Variants in SPTAN1 observed in about 807,000 individuals in gnomAD.
SPTAN1 encodes the protein spectrin alpha, non-erythrocytic 1, also known as spectrin alpha chain, non-erythrocytic 1.
SPTAN1 carries 61 observed loss-of-function variants against 331.3 expected under a neutral mutation model. The ratio of observed to expected loss-of-function variants is 0.18; its 90% CI spans 0.15 to 0.23. The LOEUF is 0.23. SPTAN1 is among the 10% of genes least tolerant of loss of function. The pLI, the probability that SPTAN1 is intolerant of heterozygous loss-of-function variation, is 1.00. For missense variants in SPTAN1, 2,043 were observed against 3,147.9 expected (o/e 0.65, Z 8.40); for synonymous variants, 1,153 against 1,173.9 (o/e 0.98, Z 0.36).
In SPTAN1 at chr9:128,598,775, A is replaced by G. The variant is rs1854654013; in HGVS notation, c.3520-188A>G. 6.1e-6 allele frequency: 4 copies of G among 658,742 alleles called. No homozygotes were observed. In the Admixed American group the frequency reaches 8.0e-5, roughly 13 times the overall value. 40.8% of individuals were successfully genotyped at this position (658,742 alleles called of 1,614,324 possible). ...GTTTATATAGCCATTAACTAATGGTAATTTCATAAGTTCCTCAAAGAAAAA... is the reference window on the plus strand; with the variant it reads ...GTTTATATAGCCATTAACTAATGGTGATTTCATAAGTTCCTCAAAGAAAAA... On this transcript the variant is annotated intron_variant, in intron 25 of 56. Transcript: ENST00000372739.
intron 1 of SPTAN1, among the ~76,000 whole-genome samples, chr9:128,563,823 A>G (rs769642034): frequency 2.0e-5 from 3 of 148,780 alleles, no homozygotes; most frequent in Non-Finnish European, 4.4e-5. Context: ...TTTTTTTTAG[A>G]GCCAGGGTTT....
In SPTAN1 at chr9:128,625,243, C is replaced by T. The variant is rs1296018743; in HGVS notation, c.6069+64C>T. On this transcript the variant is annotated intron_variant, in intron 47 of 56. Transcript: ENST00000372739. This position sits in a 1 kb window ranked among gnomAD's most constrained non-coding sequence, Gnocchi z 4.1. The stretch of plus-strand genomic sequence containing the variant: ...ATAGCATCTGTGAGATGACTGGTGG[C>T]GTCTTTCACTGAGGCATTTATCTTC... 17 of 1,506,612 alleles carry T rather than the reference C, an allele frequency of 1.1e-5. No homozygotes were observed. The highest frequency in any genetic ancestry group is 1.1e-4 in the African/African-American group (8 of 72,720). 93.3% of individuals were successfully genotyped at this position (1,506,612 alleles called of 1,614,324 possible).
At chr9:128,628,151 CA>C (rs1383745966) in intron 51 of SPTAN1, 2 of 749,724 alleles carry the variant, frequency 2.7e-6, no homozygotes, top group East Asian at 5.2e-5. Flanking sequence ...GCCTTCAAGC[CA>C]GGGGGAGCCG....
At chr9:128,576,042 C>T (rs1416059621) in intron 5 of SPTAN1, among the ~76,000 whole-genome samples, 1 of 152,170 alleles carries the variant, frequency 6.6e-6, no homozygotes, top group East Asian at 1.9e-4. Flanking sequence ...CGGCATTCCT[C>T]AGAAATATCT....
intron 24 of SPTAN1, among the ~76,000 whole-genome samples, chr9:128,594,748 T>C (rs1196320251): frequency 2.0e-5 from 3 of 151,014 alleles, no homozygotes; most frequent in African/African-American, 7.3e-5. Flanking sequence ...TCTTGATTTC[T>C]GACTGCAAAT....
chr9:128,618,157 C>G lies in SPTAN1; in HGVS notation c.5600+49C>G, dbSNP rs190959808. Reference sequence around the variant, plus strand: ...CCCGGGAACAAGTGGAAGGCCAGCACCCAAGGGCAGACTCTGAGCTGTGGG... The same window carrying G: ...CCCGGGAACAAGTGGAAGGCCAGCAGCCAAGGGCAGACTCTGAGCTGTGGG... On this transcript the variant is annotated intron_variant, in intron 43 of 56. Transcript: ENST00000372739. 1.9e-4 allele frequency: 313 copies of G among 1,610,412 alleles called. 2 individuals are homozygous for G. The African/African-American group carries it at 3.9e-3, about 20-fold the overall frequency.
At chr9:128,601,663 A>T (rs1332300955) in intron 27 of SPTAN1, among the ~76,000 whole-genome samples, 1 of 152,240 alleles carries the variant, frequency 6.6e-6, no homozygotes, top group Non-Finnish European at 1.5e-5. Flanking sequence ...AAAAGTAAAA[A>T]GAAATTTTAA....
At chr9:128,609,718 GT>G in intron 37 of SPTAN1, 53 bp downstream of exon 37, 1 of 1,198,228 alleles carries the variant, frequency 8.3e-7, no homozygotes. Context: ...CAGTATTTGT[GT>G]TACTCTGCGT....
rs1007322772 is a variant in SPTAN1 at position 128,625,322 on chromosome 9, C to T, written c.6069+143C>T. On this transcript the variant is annotated intron_variant, in intron 47 of 56. Transcript: ENST00000372739. This position sits in a 1 kb window ranked among gnomAD's most constrained non-coding sequence, Gnocchi z 4.1. ...AGATCCTGTCCTGGTCCTCAGGGAG[C>T]TTCCAGACTAACTGGGGAAGCAGAC... 7.0e-6 allele frequency: 6 copies of T among 861,300 alleles called. No individual in the cohort carries two copies. In the African/African-American group the frequency reaches 1.0e-4, roughly 14 times the overall value. The allele number at this position is 861,300 out of a possible 1,614,324, so 53.4% of individuals were successfully genotyped here. A position where few individuals can be genotyped will look rare whatever the true frequency, so the allele number is the denominator to read the frequency against.
chr9:128,572,568 A>G (rs2130928521), intron 3 of SPTAN1, among the ~76,000 whole-genome samples: 1 of 152,278 alleles, frequency 6.6e-6, no homozygotes, highest in South Asian at 2.1e-4. Flanking sequence ...CCTCATTTTT[A>G]ATTTGAGCAG....
At chr9:128,588,593 G>A (rs1270888265) in intron 20 of SPTAN1, among the ~76,000 whole-genome samples, 1 of 151,998 alleles carries the variant, frequency 6.6e-6, no homozygotes, top group Non-Finnish European at 1.5e-5. Flanking sequence ...TTACACGTAT[G>A]AGCCACCGTG....
chr9:128,631,865 C>T (rs771618221), intron 52 of SPTAN1: 50 of 525,662 alleles, frequency 9.5e-5, no homozygotes, highest in East Asian at 4.3e-4. Context: ...GAGTCCTCGC[C>T]GTACTTGTCC....
intron 18 of SPTAN1, 59 bp from the exon 19 acceptor site, chr9:128,585,689 G>C: frequency 7.1e-7 from 1 of 1,401,576 alleles, no homozygotes; most frequent in Non-Finnish European, 1.0e-6. Flanking sequence ...ACTTATTTTT[G>C]TCCTTCTGTG....
At chr9:128,611,888 A>C (rs923968134) in intron 38 of SPTAN1, 43 bp downstream of exon 38, 1 of 1,613,830 alleles carries the variant, frequency 6.2e-7, no homozygotes, top group South Asian at 1.1e-5. Context: ...GAAGATGACC[A>C]CCGTCACTGT....
Position 128,629,190 on chromosome 9 carries a change from T to G in SPTAN1, c.6708-1131T>G. ...GTTGGGGATGATCTGTCTGGAAGGTTTTTCTCCTTATTTCTCTTCTTACCT... is the reference window on the plus strand; with the variant it reads ...GTTGGGGATGATCTGTCTGGAAGGTGTTTCTCCTTATTTCTCTTCTTACCT... On this transcript the variant is annotated intron_variant, in intron 51 of 56. Coordinates refer to ENST00000372739, the MANE Select transcript of SPTAN1 (RefSeq NM_001130438.3). This position sits in a 1 kb window ranked among gnomAD's most constrained non-coding sequence, Gnocchi z 4.9. 1 of 398,596 alleles carries G rather than the reference T, an allele frequency of 2.5e-6. No individual in the cohort carries two copies. 24.7% of individuals were successfully genotyped at this position (398,596 alleles called of 1,614,324 possible).
Position 128,611,815 on chromosome 9 carries a change from A to C in SPTAN1, c.4875A>C (p.Gly1625=). Residue 1625 remains glycine, a synonymous_variant, in exon 38 of 57, where the codon GGA becomes GGC. Coordinates refer to ENST00000372739, the MANE Select transcript of SPTAN1 (RefSeq NM_001130438.3). ...IDMGNSLIER[G]ACAGSEDAVK... is the part of the protein sequence containing the mutation. ...TGGGCAACTCCCTCATTGAACGTGG[A>C]GCCTGTGCCGGCAGTGAGGATGCTG... The C allele has an allele frequency of 6.2e-7, 1 of 1,614,198 alleles. No homozygotes were observed. Among genetic ancestry groups the C allele is most frequent in the Non-Finnish European group, 8.5e-7 (1 of 1,180,054 alleles).
chr9:128,586,662 A>G (rs1342467841), intron 19 of SPTAN1, among the ~76,000 whole-genome samples: 5 of 152,086 alleles, frequency 3.3e-5, no homozygotes, highest in Non-Finnish European at 7.4e-5. Context: ...CCCACATACC[A>G]ACATGCACAC....
rs1859383375 is a variant in SPTAN1, at chr9:128,629,743, G to A, written c.6708-578G>A. 1 of 207,678 alleles carries A rather than the reference G, an allele frequency of 4.8e-6. No homozygotes were observed. The highest frequency in any genetic ancestry group is 5.2e-5 in the Admixed American group (1 of 19,120). 12.9% of individuals were successfully genotyped at this position (207,678 alleles called of 1,614,324 possible). ...TCTAGAGGATGGAACCGGGATCTGG[G>A]GTTTAGTCACAGCCATCTCTCTCCT... On this transcript the variant is annotated intron_variant, in intron 51 of 56. Transcript: ENST00000372739. The surrounding 1 kb of genome is among the most constrained non-coding windows in gnomAD (Gnocchi z 4.9).
chr9:128,601,429 T>C (rs1401221270), intron 27 of SPTAN1: 1 of 152,142 alleles, frequency 6.6e-6, no homozygotes, highest in Non-Finnish European at 1.5e-5. Flanking sequence ...TCTGACTTTA[T>C]AAAAGTAGAT....
Sources: allele counts gnomAD v4.1 joint callset (sites outside exome capture counted in the v4.1 genomes callset), GRCh38; gene constraint gnomAD v4.1.1; non-coding constraint Gnocchi (gnomAD v3.1); transcripts MANE v1.5; gene names NCBI Gene and HGNC (gene_info 2026-07-23, HGNC 2026-07-21).